Variants in LRRC37A2 observed in about 807,000 individuals in gnomAD.
LRRC37A2 encodes the protein leucine-rich repeat-containing protein 37A2.
Under a neutral mutation model 68.8 loss-of-function variants are expected in LRRC37A2, and 9 were observed. That is an observed-to-expected ratio of 0.13 (90% confidence interval 0.08 to 0.23). The LOEUF (loss-of-function observed/expected upper bound fraction) is 0.23. LRRC37A2 is among the 10% of genes least tolerant of loss of function. The pLI, the probability that LRRC37A2 is intolerant of heterozygous loss-of-function variation, is 1.00. For synonymous variants in LRRC37A2, 63 were observed against 367.6 expected (o/e 0.17, Z 9.48); for missense variants, 168 against 950.4 (o/e 0.18, Z 10.82).
the LRRC37A2 span, among the ~76,000 whole-genome samples, chr17:46,688,304 A>G: frequency 6.6e-6 from 1 of 150,842 alleles, no homozygotes; most frequent in Non-Finnish European, 1.5e-5. Flanking sequence ...TAAGTCTAGG[A>G]GTTCAAGACC....
At chr17:46,750,988 C>A in the LRRC37A2 span, among the ~76,000 whole-genome samples, 1 of 151,978 alleles carries the variant, frequency 6.6e-6, no homozygotes, top group African/African-American at 2.4e-5. Flanking sequence ...TCACAAGTAA[C>A]TTGGTGAGCT....
the LRRC37A2 span, among the ~76,000 whole-genome samples, chr17:46,781,639 G>T: frequency 6.6e-6 from 1 of 152,180 alleles, no homozygotes; most frequent in African/African-American, 2.4e-5. Flanking sequence ...AGTTTGGGAT[G>T]ATGAAAACAG....
At chr17:46,817,233 G>A in the LRRC37A2 span, among the ~76,000 whole-genome samples, 3 of 152,170 alleles carry the variant, frequency 2.0e-5, no homozygotes, top group African/African-American at 7.2e-5. Flanking sequence ...CTCCTACCCT[G>A]GACTCTGGGT....
At chr17:47,034,925 A>G in the LRRC37A2 span, 3 of 152,092 alleles carry the variant, frequency 2.0e-5, no homozygotes, top group Admixed American at 6.5e-5. Flanking sequence ...ACATCATCTT[A>G]TTGAATATTA....
the LRRC37A2 span, among the ~76,000 whole-genome samples, chr17:46,990,299 C>T: frequency 0.47 from 70,815 of 152,034 alleles, 17,170 homozygotes; most frequent in Non-Finnish European, 0.54. Flanking sequence ...TAAATTAAAT[C>T]CCCCTTTATG....
At chr17:46,769,670 G>A in the LRRC37A2 span, 1 of 1,443,510 alleles carries the variant, frequency 6.9e-7, no homozygotes, top group Non-Finnish European at 9.4e-7. Flanking sequence ...AAGGGGAAAA[G>A]GAGCCCGCGA....
chr17:46,933,159 C>T, the LRRC37A2 span: 1 of 152,238 alleles, frequency 6.6e-6, no homozygotes, highest in South Asian at 2.1e-4. Context: ...AGTATTCAGG[C>T]CTTTTTTAGG....
chr17:46,929,505 CT>C, the LRRC37A2 span: 1 of 1,443,200 alleles, frequency 6.9e-7, no homozygotes, highest in Non-Finnish European at 9.8e-7. Flanking sequence ...CATTTCCTCC[CT>C]CTTCCTTTGA....
the LRRC37A2 span, among the ~76,000 whole-genome samples, chr17:46,884,138 T>C: frequency 7.2e-4 from 110 of 152,204 alleles, no homozygotes; most frequent in African/African-American, 2.6e-3. Flanking sequence ...AGAGCAACGG[T>C]AGCCCCCCGG....
the LRRC37A2 span, among the ~76,000 whole-genome samples, chr17:46,767,862 C>T: frequency 6.6e-6 from 1 of 152,008 alleles, no homozygotes; most frequent in Admixed American, 6.6e-5. Context: ...AATCTCAGTT[C>T]ATTGCAACCT....
the LRRC37A2 span, among the ~76,000 whole-genome samples, chr17:46,716,609 C>T: frequency 6.6e-6 from 1 of 152,116 alleles, no homozygotes; most frequent in Admixed American, 6.5e-5. Flanking sequence ...AATTTTTTTT[C>T]AGAGCACAAA....
At chr17:46,757,750 G>A in the LRRC37A2 span, among the ~76,000 whole-genome samples, 2 of 151,792 alleles carry the variant, frequency 1.3e-5, no homozygotes, top group African/African-American at 4.8e-5. Flanking sequence ...TGTAATCCGA[G>A]AGGGAGGCTG....
the LRRC37A2 span, among the ~76,000 whole-genome samples, chr17:46,902,536 C>T: frequency 6.6e-6 from 1 of 151,770 alleles, no homozygotes; most frequent in Non-Finnish European, 1.5e-5. Flanking sequence ...AGGAAGTTTT[C>T]ACTCGGCCAA....
chr17:46,804,014 T>C, the LRRC37A2 span, among the ~76,000 whole-genome samples: 12 of 152,244 alleles, frequency 7.9e-5, no homozygotes, highest in East Asian at 2.3e-3. Context: ...GCAAGCTCCA[T>C]CCTTGCACCT....
the LRRC37A2 span, among the ~76,000 whole-genome samples, chr17:46,844,220 A>G: frequency 6.6e-6 from 1 of 151,994 alleles, no homozygotes; most frequent in Admixed American, 6.6e-5. Context: ...GTCTCCCAGA[A>G]TGCTAGGATT....
the LRRC37A2 span, among the ~76,000 whole-genome samples, chr17:46,887,688 C>T: frequency 6.6e-6 from 1 of 152,084 alleles, no homozygotes; most frequent in African/African-American, 2.4e-5. Context: ...CGCTTGAACC[C>T]AGGAGGTGAA....
At chr17:46,876,138 C>G in the LRRC37A2 span, 4 of 1,110,672 alleles carry the variant, frequency 3.6e-6, no homozygotes, top group Non-Finnish European at 5.1e-6. Context: ...CCCTGGGTCT[C>G]TTTCCCATTC....
chr17:46,768,395 G>A, the LRRC37A2 span: 1 of 1,613,950 alleles, frequency 6.2e-7, no homozygotes, highest in South Asian at 1.1e-5. This position sits in a 1 kb window ranked among gnomAD's most constrained non-coding sequence, Gnocchi z 5.0. Context: ...GGAAGATGCA[G>A]TGGCATTTTT....
chr17:46,840,007 C>CTTT, the LRRC37A2 span, among the ~76,000 whole-genome samples: 10 of 50,250 alleles, frequency 2.0e-4, no homozygotes, highest in African/African-American at 1.2e-3. Flanking sequence ...TTTCTTCTTT[C>CTTT]TTTCTTTCTT....
Sources: gnomAD v4.1 joint callset for allele counts (sites outside exome capture counted in the v4.1 genomes callset) on GRCh38, gnomAD v4.1.1 for gene constraint, Gnocchi (gnomAD v3.1) non-coding constraint, MANE v1.5 for transcripts, NCBI Gene and HGNC (gene_info 2026-07-23, HGNC 2026-07-21) for gene names.